Variants in DYNC1I1 observed in about 807,000 individuals in gnomAD.
The protein encoded by DYNC1I1 is cytoplasmic dynein 1 intermediate chain 1.
Under a neutral mutation model 86.6 loss-of-function variants are expected in DYNC1I1, and 43 were observed. That is an observed-to-expected ratio of 0.50 (90% CI 0.39 to 0.64). The LOEUF is 0.64. DYNC1I1 is among the 30% of genes least tolerant of loss of function. The pLI is 0.00. For missense variants in DYNC1I1, 604 were observed against 788.8 expected (o/e 0.77, Z 2.81); for synonymous variants, 262 against 283.7 (o/e 0.92, Z 0.77).
At chr7:95,889,745 C>T (rs914777552) in intron 6 of DYNC1I1, among the ~76,000 whole-genome samples, 7 of 151,890 alleles carry the variant, frequency 4.6e-5, no homozygotes, top group Admixed American at 4.6e-4. Context: ...AACAAATTTA[C>T]AACAACAACA....
intron 1 of DYNC1I1, among the ~76,000 whole-genome samples, chr7:95,781,571 T>A (rs2629065): frequency 1.3e-5 from 2 of 152,184 alleles, no homozygotes; most frequent in Non-Finnish European, 1.5e-5. Flanking sequence ...CTCAGTAAAT[T>A]GGGCAAAAGT....
At chr7:95,822,213 C>T (rs1795090746) in intron 4 of DYNC1I1, among the ~76,000 whole-genome samples, 1 of 151,914 alleles carries the variant, frequency 6.6e-6, no homozygotes, top group Non-Finnish European at 1.5e-5. Flanking sequence ...TGAAACTGAG[C>T]AAATAAAATT....
chr7:95,898,283 C>T (rs1790940940), intron 6 of DYNC1I1, among the ~76,000 whole-genome samples: 1 of 152,138 alleles, frequency 6.6e-6, no homozygotes, highest in Non-Finnish European at 1.5e-5. Flanking sequence ...TTAGGAAATC[C>T]CGTAGAGTTT....
At chr7:95,968,153 A>G (rs541030737) in intron 6 of DYNC1I1, among the ~76,000 whole-genome samples, 4 of 152,006 alleles carry the variant, frequency 2.6e-5, no homozygotes, top group Non-Finnish European at 4.4e-5. Flanking sequence ...AACAATGACC[A>G]GGTGCTGCAT....
rs1433585475 is a variant in DYNC1I1, at chr7:96,076,143, C to T, written c.1596C>T (p.Ala532=). The change falls in exon 15 of 17, where the codon GCC becomes GCT. Residue 532 remains alanine (A), a synonymous_variant. Transcript: ENST00000447467. ...CCCCCGTGCATCCTGCGCTTTTTGC[C>T]TGCGTGGACGGGATGGGGCGCTTGG... The part of the protein sequence containing the change: ...MWSPVHPALF[A]CVDGMGRLDL... 7.4e-6 allele frequency: 12 copies of T among 1,614,196 alleles called. No individual in the cohort carries two copies. Among genetic ancestry groups the T allele is most frequent in the Non-Finnish European group, 1.0e-5 (12 of 1,180,034 alleles).
chr7:95,804,602 T>C, intron 1 of DYNC1I1, 119 bp from the exon 2 acceptor site: 1 of 1,145,858 alleles, frequency 8.7e-7, no homozygotes, highest in Non-Finnish European at 1.2e-6. Context: ...TAATACAACC[T>C]CTTGTTGATC....
chr7:96,002,811 GT>G (rs1418333309), intron 10 of DYNC1I1, among the ~76,000 whole-genome samples: 1 of 151,110 alleles, frequency 6.6e-6, no homozygotes, highest in Non-Finnish European at 1.5e-5. Context: ...TTTTTTTTTG[GT>G]TTTGGTTTTT....
chr7:95,927,159 T>A (rs1791768481), intron 6 of DYNC1I1, among the ~76,000 whole-genome samples: 1 of 152,170 alleles, frequency 6.6e-6, no homozygotes, highest in South Asian at 2.1e-4. Flanking sequence ...TGTTCATTTT[T>A]AAAAATGACA....
chr7:96,028,874 A>C (rs1050785346), intron 11 of DYNC1I1, among the ~76,000 whole-genome samples: 5 of 152,208 alleles, frequency 3.3e-5, no homozygotes, highest in Non-Finnish European at 7.3e-5. Flanking sequence ...TTAGTAGAAG[A>C]GGTTCAGTAT....
At chr7:95,849,020 A>G (rs1428685862) in intron 5 of DYNC1I1, among the ~76,000 whole-genome samples, 1 of 152,136 alleles carries the variant, frequency 6.6e-6, no homozygotes, top group Non-Finnish European at 1.5e-5. Flanking sequence ...GACCATCTGT[A>G]TGTCTTCTTT....
chr7:95,916,659 G>GT (rs1791475980), intron 6 of DYNC1I1, among the ~76,000 whole-genome samples: 4 of 152,118 alleles, frequency 2.6e-5, no homozygotes, highest in South Asian at 4.1e-4. Flanking sequence ...ACCATTCATT[G>GT]TTTTTTTGAC....
chr7:95,819,638 T>A (rs957408153), intron 4 of DYNC1I1, among the ~76,000 whole-genome samples: 5 of 152,132 alleles, frequency 3.3e-5, no homozygotes, highest in African/African-American at 1.2e-4. Context: ...TTAATAAGAC[T>A]ATTAAAATTT....
chr7:95,822,986 T>C (rs1379810877), intron 4 of DYNC1I1, among the ~76,000 whole-genome samples: 1 of 152,142 alleles, frequency 6.6e-6, no homozygotes, highest in Non-Finnish European at 1.5e-5. Flanking sequence ...TAGTTAAACA[T>C]TCAGCATCAC....
intron 16 of DYNC1I1, among the ~76,000 whole-genome samples, chr7:96,107,245 G>T (rs936706393): frequency 2.6e-5 from 4 of 151,840 alleles, no homozygotes; most frequent in Non-Finnish European, 4.4e-5. Flanking sequence ...GGCCAGGCTG[G>T]TCTCAAACTC....
intron 6 of DYNC1I1, among the ~76,000 whole-genome samples, chr7:95,928,143 G>A (rs1286886415): frequency 2.0e-5 from 3 of 152,188 alleles, no homozygotes; most frequent in African/African-American, 7.2e-5. Flanking sequence ...CTCCCAACTA[G>A]TACTGCCTTG....
At chr7:95,894,126 G>T (rs1161104653) in intron 6 of DYNC1I1, among the ~76,000 whole-genome samples, 3 of 151,638 alleles carry the variant, frequency 2.0e-5, no homozygotes, top group Admixed American at 6.6e-5. Context: ...CCCATGCAAA[G>T]CATCCTGGAA....
chr7:95,804,242 G>A (rs894364060), intron 1 of DYNC1I1: 1 of 464,956 alleles, frequency 2.2e-6, no homozygotes, highest in African/African-American at 2.1e-5. Flanking sequence ...TCCGAGCTCA[G>A]TGGAGGAATG....
chr7:96,044,555 GA>G (rs2116067188), intron 14 of DYNC1I1, among the ~76,000 whole-genome samples: 1 of 152,158 alleles, frequency 6.6e-6, no homozygotes, highest in Non-Finnish European at 1.5e-5. Flanking sequence ...GTAAGGTAGA[GA>G]AAGGGCCGTG....
At chr7:95,791,175 G>A (rs1230181666) in intron 1 of DYNC1I1, among the ~76,000 whole-genome samples, 1 of 151,908 alleles carries the variant, frequency 6.6e-6, no homozygotes, top group Non-Finnish European at 1.5e-5. Flanking sequence ...TTCCTTCATT[G>A]TGATTAATGT....
Sources: allele counts gnomAD v4.1 joint callset (sites outside exome capture counted in the v4.1 genomes callset), GRCh38; gene constraint gnomAD v4.1.1; transcripts MANE v1.5; gene names NCBI Gene and HGNC (gene_info 2026-07-23, HGNC 2026-07-21).